The following TMEM25 variants were observed in gnomAD, a reference collection of about 807,000 sequenced individuals.
The protein encoded by TMEM25 is 0610039J01Rik.
In TMEM25, 36 loss-of-function variants were observed where a neutral mutation model predicts 37.0. That is an observed-to-expected ratio of 0.97 (90% confidence interval 0.75 to 1.28). The LOEUF is 1.28. Among genes scored for constraint, TMEM25 ranks in the 50% most tolerant of loss-of-function variants. TMEM25 has a pLI of 0.00. For missense variants in TMEM25, 444 were observed against 477.9 expected (o/e 0.93, Z 0.66); for synonymous variants, 197 against 203.7 (o/e 0.97, Z 0.28).
At position 118,531,869 on chromosome 11, in the gene TMEM25, C is replaced by G. The variant is rs782472468; in HGVS notation, c.68C>G (p.Ser23Ter). The part of the protein sequence containing the change: ...TLLLLPALLS[S>*]GWGELEPQID... ...CTGCTCCTGCCAGCCCTTCTGAGCT[C>G]AGGTACACCCCTGTTCAGTCGTTGA... The change falls in exon 2 of 9, where the codon TCA becomes TGA. Residue 23 changes from serine (S) to a stop codon, truncating the protein, a stop_gained and splice_region_variant. Transcript: ENST00000313236. LOFTEE classifies it high-confidence loss of function. 1.2e-5 allele frequency: 19 copies of G among 1,551,572 alleles called. No individual in the cohort carries two copies. The highest frequency in any genetic ancestry group is 1.4e-5 in the Non-Finnish European group (16 of 1,147,032).
chr11:118,532,828 G>T, intron 3 of TMEM25, 89 bp from the exon 4 acceptor site: 1 of 1,524,530 alleles, frequency 6.6e-7, no homozygotes, highest in Non-Finnish European at 8.8e-7. Context: ...GAGAGGCCCA[G>T]GCCCCTGGCT....
At position 118,533,879 on chromosome 11, in the gene TMEM25, G is replaced by A. The variant is rs139492240; in HGVS notation, c.828G>A (p.Leu276=). Residue 276 remains leucine, a synonymous_variant, in exon 6 of 9, where the codon CTG becomes CTA. Coordinates refer to ENST00000313236, the MANE Select transcript of TMEM25 (RefSeq NM_032780.4). ...KTKGPSRHPS[L]ISSDSNNLKL... ...CAGGCCCCTCCCGGCACCCATCTCT[G>A]ATATCAAGGTAACTCTTCCTTGGGC... The A allele has an allele frequency of 6.8e-5, 109 of 1,614,138 alleles. No homozygotes were observed. In the East Asian group the frequency reaches 2.2e-3, roughly 32 times the overall value.
chr11:118,546,310 C>A, exon 9 of TMEM25: 2 of 604,604 alleles, frequency 3.3e-6, no homozygotes, highest in Non-Finnish European at 6.0e-6. Flanking sequence ...CCAGCCTGGG[C>A]AACATGGTGA....
intron 8 of TMEM25, chr11:118,545,153 A>G: frequency 1.4e-6 from 1 of 723,400 alleles, no homozygotes; most frequent in Admixed American, 2.3e-5. Flanking sequence ...TGAAAGAACG[A>G]GTGTCCTCTG....
At chr11:118,531,529 G>C in intron 1 of TMEM25, 3 of 552,550 alleles carry the variant, frequency 5.4e-6, no homozygotes, top group Non-Finnish European at 9.7e-6. Context: ...ATCTGCGGGT[G>C]TGTGCCTCTT....
At chr11:118,544,865 G>C in intron 8 of TMEM25, 1 of 1,313,614 alleles carries the variant, frequency 7.6e-7, no homozygotes, top group South Asian at 1.2e-5. Context: ...GTCCATCTCA[G>C]CTGGGGCAGA....
At chr11:118,542,520 G>A (rs1339166028) in intron 8 of TMEM25, among the ~76,000 whole-genome samples, 1 of 152,120 alleles carries the variant, frequency 6.6e-6, no homozygotes, top group Admixed American at 6.6e-5. Flanking sequence ...TATAATCCCA[G>A]CACTTTGGGA....
intron 8 of TMEM25, among the ~76,000 whole-genome samples, chr11:118,543,031 G>A (rs1383168764): frequency 2.0e-5 from 3 of 152,036 alleles, no homozygotes; most frequent in Non-Finnish European, 4.4e-5. Context: ...CATGAGGTCA[G>A]CAGATTGAGA....
In TMEM25 at chr11:118,533,809, C is replaced by T. The variant is rs782483904; in HGVS notation, c.806-48C>T. 13 of 1,613,030 alleles carry T rather than the reference C, an allele frequency of 8.1e-6. No homozygotes were observed. The Admixed American group carries it at 1.2e-4, about 14-fold the overall frequency. ...GGTCTGAAAGGGTAGGACAGCCCAG[C>T]GTGGGAGGGCACACTGAGAATTAGG... On this transcript the variant is annotated intron_variant, in intron 5 of 8. Transcript: ENST00000313236.
intron 2 of TMEM25, 69 bp from the exon 3 acceptor site, chr11:118,532,081 C>T (rs782720728): frequency 1.4e-6 from 2 of 1,451,814 alleles, no homozygotes; most frequent in Admixed American, 5.3e-5. Flanking sequence ...CTCACTGGGC[C>T]AATTCCTGGT....
chr11:118,544,114 C>T (rs1226599512), intron 8 of TMEM25, among the ~76,000 whole-genome samples: 1 of 152,122 alleles, frequency 6.6e-6, no homozygotes, highest in Admixed American at 6.6e-5. Context: ...GGCTAAACAC[C>T]CTTTGTTAGA....
chr11:118,536,004 A>G (rs993075651), downstream of TMEM25, among the ~76,000 whole-genome samples: 1 of 151,782 alleles, frequency 6.6e-6, no homozygotes, highest in African/African-American at 2.4e-5. Flanking sequence ...CAGCCTCCCA[A>G]GTAGCTGGGA....
In TMEM25 at chr11:118,534,134, A is replaced by G. The variant is rs782126380; in HGVS notation, c.937+5A>G. 5 of 1,613,964 alleles carry G rather than the reference A, an allele frequency of 3.1e-6. No homozygotes were observed. Among genetic ancestry groups the G allele is most frequent in the Admixed American group, 1.7e-5 (1 of 60,024 alleles). ...ACCTCACTCCAGATTCCAGAGGTAT[A>G]TCTAGGGCCCTGCTCTTTGCCCCTG... On this transcript the variant is annotated splice_donor_5th_base_variant and intron_variant, in intron 7 of 8. Transcript: ENST00000313236. The surrounding 1 kb of genome is among the most constrained non-coding windows in gnomAD (Gnocchi z 4.6).
chr11:118,532,865 T>G, intron 3 of TMEM25, 52 bp from the exon 4 acceptor site: 1 of 1,566,076 alleles, frequency 6.4e-7, no homozygotes. Context: ...AAGAAAGGGC[T>G]AGAAGTATGA....
intron 8 of TMEM25, chr11:118,544,970 A>G (rs2135457871): frequency 6.2e-7 from 1 of 1,613,866 alleles, no homozygotes; most frequent in East Asian, 2.2e-5. Context: ...AATTGGATGA[A>G]GGAGTGAATG....
At chr11:118,546,787 T>C (rs1456806403), downstream of TMEM25, 1 of 152,462 alleles carries the variant, frequency 6.6e-6, no homozygotes, top group Non-Finnish European at 1.5e-5. Flanking sequence ...AACAGTTATA[T>C]ATGCATTACT....
rs782475719 is a variant in TMEM25 at position 118,533,193 on chromosome 11, C to T, written c.659C>T (p.Ser220Leu). The part of the protein sequence containing the change: ...ATNDVGVTSA[S>L]LPAPGLLATR... ...AATGACGTGGGTGTCACCAGTGCGT[C>T]GCTTCCAGCCCCAGGTGAGCATGGC... Residue 220 changes from serine (S) to leucine (L), a missense_variant, in exon 4 of 9, where the codon TCG becomes TTG. Ser to Leu is a moderately radical substitution (Grantham distance 145). Coordinates refer to ENST00000313236, the MANE Select transcript of TMEM25 (RefSeq NM_032780.4). 1.5e-5 allele frequency: 24 copies of T among 1,597,008 alleles called. No homozygotes were observed. Among genetic ancestry groups the T allele is most frequent in the African/African-American group, 1.1e-4 (8 of 74,842 alleles).
rs1379786613 is a variant in TMEM25, at chr11:118,546,026, CTA to C, written c.1028-89_1028-88del. On this transcript the variant is annotated intron_variant, in intron 8 of 8. Coordinates refer to the TMEM25 transcript ENST00000354284. ...TAACTCCCTGTACTTCAGAATGTGACTATATTTGGAGATAACATCTTTAAAGA... is the reference window on the plus strand; with the variant it reads ...TAACTCCCTGTACTTCAGAATGTGACTATTTGGAGATAACATCTTTAAAGA... 25 of 711,708 alleles carry C rather than the reference CTA, an allele frequency of 3.5e-5. No individual in the cohort carries two copies. The African/African-American group carries it at 4.1e-4, about 12-fold the overall frequency. 44.1% of individuals were successfully genotyped at this position (711,708 alleles called of 1,614,324 possible). A position where few individuals can be genotyped will look rare whatever the true frequency, so the allele number is the denominator to read the frequency against.
chr11:118,531,951 G>T, intron 2 of TMEM25, 80 bp downstream of exon 2: 3 of 1,505,910 alleles, frequency 2.0e-6, no homozygotes, highest in Non-Finnish European at 2.7e-6. Context: ...TTCTGTTTGG[G>T]TACCCACTCC....
Sources: allele counts gnomAD v4.1 joint callset (sites outside exome capture counted in the v4.1 genomes callset), GRCh38; gene constraint gnomAD v4.1.1; non-coding constraint Gnocchi (gnomAD v3.1); transcripts MANE v1.5; gene names NCBI Gene and HGNC (gene_info 2026-07-23, HGNC 2026-07-21).